The following SLC4A3 variants were observed in gnomAD, a reference collection of about 807,000 sequenced individuals.
The protein encoded by SLC4A3 is anion exchange protein 3.
In SLC4A3, 47 loss-of-function variants were observed where a neutral mutation model predicts 114.2. The observed-to-expected ratio is 0.41, with a 90% CI of 0.33 to 0.52. SLC4A3 has a LOEUF of 0.52. Ranked by LOEUF, SLC4A3 falls within the 20% of genes least tolerant of loss-of-function variation. The pLI is 0.21. For missense variants in SLC4A3, 1,312 were observed against 1,668.3 expected (o/e 0.79, Z 3.72); for synonymous variants, 693 against 710.3 (o/e 0.98, Z 0.39).
In SLC4A3 at chr2:219,638,150, T is replaced by A; in HGVS notation, c.2767-14T>A. The A allele has an allele frequency of 6.2e-7, 1 of 1,603,430 alleles. No homozygotes were observed. The highest frequency in any genetic ancestry group is 8.5e-7 in the Non-Finnish European group (1 of 1,173,132). Reference sequence around the variant, plus strand: ...TCCACCTTTTGCTCCCTTCCCCAACTGGCCCCTCTCAAGGCTCGTCGCATC... The same window carrying A: ...TCCACCTTTTGCTCCCTTCCCCAACAGGCCCCTCTCAAGGCTCGTCGCATC... On this transcript the variant is annotated splice_polypyrimidine_tract_variant and intron_variant, in intron 17 of 22. Coordinates refer to ENST00000358055, the MANE Select transcript of SLC4A3 (RefSeq NM_005070.4). This position sits in a 1 kb window ranked among gnomAD's most constrained non-coding sequence, Gnocchi z 7.5.
At position 219,639,727 on chromosome 2, in the gene SLC4A3, G is replaced by C. The variant is rs763520879; in HGVS notation, c.3269G>C (p.Ser1090Thr). Residue 1090 changes from serine to threonine, a missense_variant, in exon 20 of 23, where the codon AGC (serine) becomes ACC (threonine). Coordinates refer to ENST00000358055, the MANE Select transcript of SLC4A3 (RefSeq NM_005070.4). The surrounding 1 kb of genome is among the most constrained non-coding windows in gnomAD (Gnocchi z 5.9). ...CGGGTCACTGGTGTGCTCATCGCCA[G>C]CCTCGTGGGTGAGAGCCCGCCTCCA... Reference protein sequence around the residue: ...EQRVTGVLIASLVGLSIVMGA... With the variant: ...EQRVTGVLIATLVGLSIVMGA... The C allele has an allele frequency of 1.0e-5, 16 of 1,606,172 alleles. No individual in the cohort carries two copies. The highest frequency in any genetic ancestry group is 1.3e-5 in the Non-Finnish European group (15 of 1,179,106).
rs1699143031 is a variant in SLC4A3, at chr2:219,637,075, C to T, written c.2535+201C>T. On this transcript the variant is annotated intron_variant, in intron 16 of 22. Coordinates refer to ENST00000358055, the MANE Select transcript of SLC4A3 (RefSeq NM_005070.4). This position sits in a 1 kb window ranked among gnomAD's most constrained non-coding sequence, Gnocchi z 4.6. ...GACCCAGGGGGTGGGTGCCAGGTCA[C>T]GACTCCAAGCACCTGGTTGGAGGCT... Among the ~76,000 whole-genome samples the T allele has an allele frequency of 6.6e-6, 1 of 151,978 alleles. No individual in the cohort carries two copies. The highest frequency in any genetic ancestry group is 6.6e-5 in the Admixed American group (1 of 15,260).
intron 13 of SLC4A3, 29 bp from the exon 14 acceptor site, chr2:219,635,644 T>C: frequency 6.5e-7 from 1 of 1,542,798 alleles, no homozygotes; most frequent in South Asian, 1.2e-5. Context: ...GGGAGTGGTC[T>C]GTGCCCCAGC....
chr2:219,636,343 G>A lies in SLC4A3; in HGVS notation c.2233G>A (p.Val745Met), dbSNP rs387907533. The change falls in exon 15 of 23, where the codon GTG becomes ATG. Residue 745 changes from valine (V) to methionine (M), a missense_variant. Transcript: ENST00000358055. The surrounding 1 kb of genome is among the most constrained non-coding windows in gnomAD (Gnocchi z 5.5). ...EGLMGVSELI[V>M]STAVLGVLFS... ...GCTGATGGGCGTGTCCGAGCTGATC[G>A]TGTCCACCGCTGTGCTCGGCGTCCT... is the stretch of plus-strand genomic sequence containing the variant. The A allele has an allele frequency of 1.3e-5, 21 of 1,613,662 alleles. No homozygotes were observed. Among genetic ancestry groups the A allele is most frequent in the Non-Finnish European group, 1.7e-5 (20 of 1,179,936 alleles).
rs1699338034 is a variant in SLC4A3 at position 219,641,883 on chromosome 2, T to A, written c.*155T>A. The A allele has an allele frequency of 1.6e-6, 1 of 624,640 alleles. No homozygotes were observed. The highest frequency in any genetic ancestry group is 2.9e-6 in the Non-Finnish European group (1 of 350,584). 38.7% of individuals were successfully genotyped at this position (624,640 alleles called of 1,614,324 possible). On this transcript the variant is annotated 3_prime_UTR_variant, in exon 23 of 23. Coordinates refer to ENST00000358055, the MANE Select transcript of SLC4A3 (RefSeq NM_005070.4). The surrounding 1 kb of genome is among the most constrained non-coding windows in gnomAD (Gnocchi z 4.0). ...CATGGCTAGAGTGGCCCCCCTGACT[T>A]CTGCCCGGGGTGTTGACCTCGCCTC...
Position 219,632,321 on chromosome 2 carries a change from G to A in SLC4A3, c.1020G>A (p.Glu340=), listed in dbSNP as rs1559199208. 6.2e-6 allele frequency: 10 copies of A among 1,614,116 alleles called. No homozygotes were observed. The highest frequency in any genetic ancestry group is 8.5e-6 in the Non-Finnish European group (10 of 1,180,022). The part of the protein sequence containing the change: ...LDRSQEPHWR[E]TARWIKFEED... ...GCAGCCAGGAGCCCCACTGGCGGGA[G>A]ACGGCCCGCTGGATCAAGTTTGAGG... Residue 340 remains glutamate (E), a synonymous_variant, in exon 8 of 23, where the codon GAG becomes GAA. Transcript: ENST00000358055.
At position 219,641,815 on chromosome 2, in the gene SLC4A3, G is replaced by T; in HGVS notation, c.*87G>T. On this transcript the variant is annotated 3_prime_UTR_variant, in exon 23 of 23. Coordinates refer to ENST00000358055, the MANE Select transcript of SLC4A3 (RefSeq NM_005070.4). The surrounding 1 kb of genome is among the most constrained non-coding windows in gnomAD (Gnocchi z 4.0). ...GCAGAGCCCAGCCCTGGGCTGGGGG[G>T]CTCCTCAGGACCCAGAGATGTGCCT... 1 of 1,108,486 alleles carries T rather than the reference G, an allele frequency of 9.0e-7. No homozygotes were observed. Among genetic ancestry groups the T allele is most frequent in the Non-Finnish European group, 1.4e-6 (1 of 732,024 alleles). The allele number at this position is 1,108,486 out of a possible 1,614,324, so 68.7% of individuals were successfully genotyped here. A position where few individuals can be genotyped will look rare whatever the true frequency, so the allele number is the denominator to read the frequency against.
rs1189694531 is a variant in SLC4A3 at position 219,641,872 on chromosome 2, C to T, written c.*144C>T. The T allele has an allele frequency of 1.4e-5, 9 of 651,396 alleles. No homozygotes were observed. Among genetic ancestry groups the T allele is most frequent in the Admixed American group, 5.7e-5 (2 of 35,370 alleles). 40.4% of individuals were successfully genotyped at this position (651,396 alleles called of 1,614,324 possible). A position where few individuals can be genotyped will look rare whatever the true frequency, so the allele number is the denominator to read the frequency against. ...ACTCCTGATGCCATGGCTAGAGTGGCCCCCCTGACTTCTGCCCGGGGTGTT... is the reference window on the plus strand; with the variant it reads ...ACTCCTGATGCCATGGCTAGAGTGGTCCCCCTGACTTCTGCCCGGGGTGTT... On this transcript the variant is annotated 3_prime_UTR_variant, in exon 23 of 23. Transcript: ENST00000358055. The surrounding 1 kb of genome is among the most constrained non-coding windows in gnomAD (Gnocchi z 4.0).
At chr2:219,633,840 C>T (rs778030175) in intron 10 of SLC4A3, 40 bp from the exon 11 acceptor site, 67 of 1,550,806 alleles carry the variant, frequency 4.3e-5, no homozygotes, top group South Asian at 1.9e-4. Context: ...CCACGGCCTC[C>T]GGTCTGGGTC....
intron 12 of SLC4A3, among the ~76,000 whole-genome samples, 182 bp downstream of exon 12, chr2:219,634,786 C>T (rs911102581): frequency 7.2e-5 from 11 of 152,124 alleles, no homozygotes; most frequent in Non-Finnish European, 1.5e-4. Context: ...TGGGCTGTGG[C>T]TGTGGGAGGG....
chr2:219,628,321 TC>T lies in SLC4A3; in HGVS notation c.52-79del. 1 of 1,378,192 alleles carries T rather than the reference TC, an allele frequency of 7.3e-7. No individual in the cohort carries two copies. The highest frequency in any genetic ancestry group is 9.7e-7 in the Non-Finnish European group (1 of 1,026,370). 85.4% of individuals were successfully genotyped at this position (1,378,192 alleles called of 1,614,324 possible). A position where few individuals can be genotyped will look rare whatever the true frequency, so the allele number is the denominator to read the frequency against. The stretch of plus-strand genomic sequence containing the variant: ...CCGATGGTGTGAGAGCCTGCTGAGC[TC>T]CCCCAACTAGGGCTTGGAGTTGGGG... On this transcript the variant is annotated intron_variant, in intron 2 of 22. Coordinates refer to ENST00000358055, the MANE Select transcript of SLC4A3 (RefSeq NM_005070.4). The surrounding 1 kb of genome is among the most constrained non-coding windows in gnomAD (Gnocchi z 4.8).
Position 219,640,414 on chromosome 2 carries a change from G to A in SLC4A3, c.3278-16G>A, listed in dbSNP as rs766045327. On this transcript the variant is annotated splice_polypyrimidine_tract_variant and intron_variant, in intron 20 of 22. Transcript: ENST00000358055. ...GGCTGTCTGAGGGTCAGGCGGGTCT[G>A]TGTCACCTCCTCCAGGCCTGTCCAT... The A allele has an allele frequency of 2.5e-6, 4 of 1,607,340 alleles. No individual in the cohort carries two copies. Among genetic ancestry groups the A allele is most frequent in the Non-Finnish European group, 3.4e-6 (4 of 1,175,774 alleles).
chr2:219,638,014 GC>G lies in SLC4A3; in HGVS notation c.2767-149del. Reference sequence around the variant, plus strand: ...TCTAATCAAGACAACAGCCTCCCAGGCTGCGCTGGCACCTGTGGGGTTGAGA... The same window carrying G: ...TCTAATCAAGACAACAGCCTCCCAGGTGCGCTGGCACCTGTGGGGTTGAGA... On this transcript the variant is annotated intron_variant, in intron 17 of 22. Coordinates refer to ENST00000358055, the MANE Select transcript of SLC4A3 (RefSeq NM_005070.4). The surrounding 1 kb of genome is among the most constrained non-coding windows in gnomAD (Gnocchi z 7.5). 5.5e-6 allele frequency: 4 copies of G among 724,508 alleles called. No individual in the cohort carries two copies. The South Asian group carries it at 6.8e-5, about 12-fold the overall frequency. 44.9% of individuals were successfully genotyped at this position (724,508 alleles called of 1,614,324 possible).
In SLC4A3 at chr2:219,634,675, G is replaced by A. The variant is rs1699057054; in HGVS notation, c.1746+71G>A. Reference sequence around the variant, plus strand: ...TTACCCCTGTCCCTCATTGTCCACAGTGGTGCCCATAGAGGCAAGGGTGCT... The same window carrying A: ...TTACCCCTGTCCCTCATTGTCCACAATGGTGCCCATAGAGGCAAGGGTGCT... On this transcript the variant is annotated intron_variant, in intron 12 of 22. Transcript: ENST00000358055. The A allele has an allele frequency of 1.2e-5, 18 of 1,513,956 alleles. No homozygotes were observed. In the South Asian group the frequency reaches 2.3e-4, roughly 19 times the overall value. 93.8% of individuals were successfully genotyped at this position (1,513,956 alleles called of 1,614,324 possible).
chr2:219,632,074 C>A lies in SLC4A3; in HGVS notation c.918C>A (p.Arg306=), dbSNP rs749619623. The A allele has an allele frequency of 3.1e-6, 5 of 1,613,800 alleles. No individual in the cohort carries two copies. Among genetic ancestry groups the A allele is most frequent in the Non-Finnish European group, 2.5e-6 (3 of 1,179,980 alleles). Residue 306 remains arginine, a synonymous_variant, in exon 7 of 23, where the codon CGC becomes CGA. Coordinates refer to ENST00000358055, the MANE Select transcript of SLC4A3 (RefSeq NM_005070.4). ...GSPSGLAPIL[R]RKKKKKKLDR... Reference sequence around the variant, plus strand: ...CCAGCGGCCTGGCCCCCATCCTTCGCAGGAAGAAGAAGAAGAAAAAGCTGG... The same window carrying A: ...CCAGCGGCCTGGCCCCCATCCTTCGAAGGAAGAAGAAGAAGAAAAAGCTGG...
Position 219,639,753 on chromosome 2 carries a change from C to T in SLC4A3, c.3277+18C>T, listed in dbSNP as rs1279595574. ...CCTCGTGGGTGAGAGCCCGCCTCCA[C>T]CCTGCACACCCCCTTCCTTGGGCCC... On this transcript the variant is annotated intron_variant, in intron 20 of 22. Coordinates refer to ENST00000358055, the MANE Select transcript of SLC4A3 (RefSeq NM_005070.4). This position sits in a 1 kb window ranked among gnomAD's most constrained non-coding sequence, Gnocchi z 5.9. The T allele has an allele frequency of 6.3e-7, 1 of 1,597,986 alleles. No individual in the cohort carries two copies. The highest frequency in any genetic ancestry group is 8.5e-7 in the Non-Finnish European group (1 of 1,176,752).
rs1699236025 is a variant in SLC4A3, at chr2:219,639,308, T to G, written c.3024-174T>G. On this transcript the variant is annotated intron_variant, in intron 19 of 22. Transcript: ENST00000358055. The surrounding 1 kb of genome is among the most constrained non-coding windows in gnomAD (Gnocchi z 5.9). ...CACAGTATGAGAATTTGTCTCACATTTGCTTCAATGTGAGAACTTCAATTT... is the reference window on the plus strand; with the variant it reads ...CACAGTATGAGAATTTGTCTCACATGTGCTTCAATGTGAGAACTTCAATTT... 6.6e-6 allele frequency among the ~76,000 whole-genome samples: 1 copy of G among 152,148 alleles called. No individual in the cohort carries two copies. The highest frequency in any genetic ancestry group is 2.4e-5 in the African/African-American group (1 of 41,422).
In SLC4A3 at chr2:219,637,449, T is replaced by C. The variant is rs558205860; in HGVS notation, c.2536-132T>C. The C allele has an allele frequency of 8.5e-4, 515 of 605,614 alleles. 2 individuals are homozygous for C. Among genetic ancestry groups the C allele is most frequent in the African/African-American group, 8.2e-3 (444 of 53,932 alleles). 37.5% of individuals were successfully genotyped at this position (605,614 alleles called of 1,614,324 possible). ...CTGTGTGTTGTGTGTGTGGTGCAGC[T>C]GGATGTCCGTGCATTACTGTTGTCT... is the stretch of plus-strand genomic sequence containing the variant. On this transcript the variant is annotated intron_variant, in intron 16 of 22. Transcript: ENST00000358055. The surrounding 1 kb of genome is among the most constrained non-coding windows in gnomAD (Gnocchi z 4.6).
chr2:219,639,854 C>T lies in SLC4A3; in HGVS notation c.3277+119C>T, dbSNP rs1051548037. On this transcript the variant is annotated intron_variant, in intron 20 of 22. Coordinates refer to ENST00000358055, the MANE Select transcript of SLC4A3 (RefSeq NM_005070.4). The surrounding 1 kb of genome is among the most constrained non-coding windows in gnomAD (Gnocchi z 5.9). ...TGCTGTGTGTTGCCCTCAATCTGAC[C>T]CCCAAACCTGCTTCCCAGCACTCCC... 1 of 1,335,072 alleles carries T rather than the reference C, an allele frequency of 7.5e-7. No homozygotes were observed. Among genetic ancestry groups the T allele is most frequent in the Non-Finnish European group, 1.0e-6 (1 of 978,428 alleles). 82.7% of individuals were successfully genotyped at this position (1,335,072 alleles called of 1,614,324 possible).
Sources: gnomAD v4.1 joint callset for allele counts (sites outside exome capture counted in the v4.1 genomes callset) on GRCh38, gnomAD v4.1.1 for gene constraint, Gnocchi (gnomAD v3.1) non-coding constraint, MANE v1.5 for transcripts, NCBI Gene and HGNC (gene_info 2026-07-23, HGNC 2026-07-21) for gene names.